SCGB2B2: variants seen among roughly 807,000 people sequenced by gnomAD.
SCGB2B2 encodes the protein secretoglobin family 2B member 2.
In SCGB2B2, 11 loss-of-function variants were observed where a neutral mutation model predicts 7.6. That is an observed-to-expected ratio of 1.45 (90% confidence interval 0.91 to 2.40). SCGB2B2 has a LOEUF of 2.40. Among genes scored for constraint, SCGB2B2 ranks in the 30% most tolerant of loss-of-function variants. SCGB2B2 has a pLI of 0.00. For missense variants in SCGB2B2, 104 were observed against 115.4 expected (o/e 0.90, Z 0.45); for synonymous variants, 50 against 48.6 (o/e 1.03, Z -0.12).
chr19:34,596,531 G>A lies in SCGB2B2; in HGVS notation c.-1968C>T, dbSNP rs1015175571. 2 of 152,670 alleles carry A rather than the reference G, an allele frequency of 1.3e-5. No individual in the cohort carries two copies. Among genetic ancestry groups the A allele is most frequent in the African/African-American group, 2.4e-5 (1 of 41,456 alleles). 9.5% of individuals were successfully genotyped at this position (152,670 alleles called of 1,614,324 possible). The stretch of plus-strand genomic sequence containing the variant: ...GGAGGGTCTGTGATTATATGAATAT[G>A]AGGTTGTGATTGTGGCTGGGAGGGG... On this transcript the variant is annotated 5_prime_UTR_variant, in exon 2 of 4. Coordinates refer to ENST00000601241, the MANE Select transcript of SCGB2B2 (RefSeq NM_001025591.4).
intron 1 of SCGB2B2, among the ~76,000 whole-genome samples, chr19:34,666,190 C>T (rs2067615944): frequency 6.6e-6 from 1 of 152,064 alleles, no homozygotes; most frequent in Admixed American, 6.5e-5. Context: ...GGTCCCCACA[C>T]CAGGCTTTCT....
At chr19:34,616,724 C>T (rs1409040472) in intron 1 of SCGB2B2, among the ~76,000 whole-genome samples, 1 of 148,536 alleles carries the variant, frequency 6.7e-6, no homozygotes, top group East Asian at 2.0e-4. Context: ...CTTTTGTTGC[C>T]ATTGCTTTTG....
At chr19:34,661,695 G>C (rs577860969) in intron 1 of SCGB2B2, among the ~76,000 whole-genome samples, 5 of 152,312 alleles carry the variant, frequency 3.3e-5, no homozygotes, top group Admixed American at 2.0e-4. Flanking sequence ...GAGAATAATG[G>C]AATAAGGGCC....
intron 1 of SCGB2B2, among the ~76,000 whole-genome samples, chr19:34,623,799 T>C (rs1430124238): frequency 6.6e-6 from 1 of 152,166 alleles, no homozygotes; most frequent in Non-Finnish European, 1.5e-5. Context: ...AAGCATAAAA[T>C]CCTCTTTTGT....
chr19:34,674,235 A>C (rs1208263601), intron 1 of SCGB2B2, among the ~76,000 whole-genome samples: 2 of 152,194 alleles, frequency 1.3e-5, no homozygotes, highest in Non-Finnish European at 2.9e-5. Flanking sequence ...TTTATGTCTT[A>C]AGTGTGGTTT....
chr19:34,668,864 C>G (rs1170593590), intron 1 of SCGB2B2, among the ~76,000 whole-genome samples: 3 of 152,112 alleles, frequency 2.0e-5, no homozygotes, highest in Admixed American at 6.5e-5. Flanking sequence ...ACAGACGGCT[C>G]GGCTCTCTGT....
intron 1 of SCGB2B2, among the ~76,000 whole-genome samples, chr19:34,665,464 C>T (rs1449722780): frequency 6.6e-6 from 1 of 152,164 alleles, no homozygotes; most frequent in African/African-American, 2.4e-5. Context: ...CACCATCCCC[C>T]ATGTCCCCAA....
In SCGB2B2 at chr19:34,594,507, C is replaced by A; in HGVS notation, c.57G>T (p.Gln19His). 1 of 1,613,918 alleles carries A rather than the reference C, an allele frequency of 6.2e-7. No homozygotes were observed. The highest frequency in any genetic ancestry group is 1.3e-5 in the African/African-American group (1 of 75,038). Residue 19 changes from glutamine to histidine, a missense_variant, in exon 2 of 4, where the codon CAG (glutamine) becomes CAT (histidine). Physicochemically the swap from Gln to His is conservative, Grantham distance 24. Coordinates refer to ENST00000601241, the MANE Select transcript of SCGB2B2 (RefSeq NM_001025591.4). ...CCCTGCTCGCCTCTTTCTTACCCAG[C>A]TGGACGCTGCAGATCAGAGCCAGCA... Reference protein sequence around the residue: ...ALLLALICSVQLGDACLDIDK... With the variant: ...ALLLALICSVHLGDACLDIDK...
intron 1 of SCGB2B2, among the ~76,000 whole-genome samples, chr19:34,653,921 T>C (rs1233683654): frequency 2.0e-5 from 3 of 150,610 alleles, no homozygotes; most frequent in African/African-American, 7.5e-5. Flanking sequence ...TGAGGATGCC[T>C]ACTCGTACCA....
intron 1 of SCGB2B2, among the ~76,000 whole-genome samples, chr19:34,644,496 T>G (rs1196092556): frequency 6.6e-6 from 1 of 152,116 alleles, no homozygotes; most frequent in East Asian, 1.9e-4. Flanking sequence ...TCCAAAACTT[T>G]TTCATCATTT....
intron 1 of SCGB2B2, among the ~76,000 whole-genome samples, chr19:34,659,718 G>T (rs1304532753): frequency 6.6e-6 from 1 of 152,094 alleles, no homozygotes; most frequent in Non-Finnish European, 1.5e-5. Flanking sequence ...ACTGCCCAAG[G>T]TAATTTATAG....
intron 1 of SCGB2B2, among the ~76,000 whole-genome samples, chr19:34,598,620 A>G (rs565506928): frequency 6.6e-6 from 1 of 152,286 alleles, no homozygotes; most frequent in South Asian, 2.1e-4. Flanking sequence ...GCAAGAGTGC[A>G]GCTGGGTGTG....
chr19:34,614,236 A>C (rs113707596), intron 1 of SCGB2B2, among the ~76,000 whole-genome samples: 39 of 152,030 alleles, frequency 2.6e-4, no homozygotes, highest in Middle Eastern at 3.4e-3. Context: ...GGGACTTCTG[A>C]GTTCCAACAT....
chr19:34,624,717 C>T (rs1182056408), intron 1 of SCGB2B2, among the ~76,000 whole-genome samples: 1 of 152,178 alleles, frequency 6.6e-6, no homozygotes, highest in Non-Finnish European at 1.5e-5. Context: ...TCAGTTGCCC[C>T]AGGACCTTCT....
rs2065283642 is a variant in SCGB2B2 at position 34,590,934 on chromosome 19, A to G, written c.*2621T>C. 6.6e-6 allele frequency among the ~76,000 whole-genome samples: 1 copy of G among 152,206 alleles called. No individual in the cohort carries two copies. The highest frequency in any genetic ancestry group is 6.5e-5 in the Admixed American group (1 of 15,286). ...CATGTTTGTCCAAATTTCTCAGGGC[A>G]TTTCTAATTCTTTTCATTTACTTCT... On this transcript the variant is annotated 3_prime_UTR_variant, in exon 4 of 4. Coordinates refer to ENST00000601241, the MANE Select transcript of SCGB2B2 (RefSeq NM_001025591.4).
rs1037599223 is a variant in SCGB2B2 at position 34,619,338 on chromosome 19, A to G, written c.-2031-22744T>C. On this transcript the variant is annotated intron_variant, in intron 1 of 3. Transcript: ENST00000601241. The stretch of plus-strand genomic sequence containing the variant: ...TTTAATTAAGTCAACTTTTAAGTAT[A>G]GAGATCTTAAGATTCTTTAAAAATC... 2.0e-5 allele frequency among the ~76,000 whole-genome samples: 3 copies of G among 152,232 alleles called. No homozygotes were observed. In the South Asian group the frequency reaches 6.2e-4, roughly 31 times the overall value.
intron 1 of SCGB2B2, among the ~76,000 whole-genome samples, chr19:34,598,403 G>A (rs1442238110): frequency 6.6e-6 from 1 of 152,202 alleles, no homozygotes; most frequent in Non-Finnish European, 1.5e-5. Flanking sequence ...ACAGCCTCAT[G>A]CCCTGGCGTC....
At chr19:34,674,419 A>T (rs891790057) in intron 1 of SCGB2B2, among the ~76,000 whole-genome samples, 24 of 152,246 alleles carry the variant, frequency 1.6e-4, no homozygotes, top group African/African-American at 2.4e-5. Flanking sequence ...AAGAATTTGG[A>T]AATAAACATC....
chr19:34,603,923 T>A (rs1382687688), intron 1 of SCGB2B2, among the ~76,000 whole-genome samples: 1 of 150,786 alleles, frequency 6.6e-6, no homozygotes, highest in Admixed American at 6.7e-5. Flanking sequence ...TGCTCCCACC[T>A]CAATCTACTG....
Sources: allele counts gnomAD v4.1 joint callset (sites outside exome capture counted in the v4.1 genomes callset), GRCh38; gene constraint gnomAD v4.1.1; transcripts MANE v1.5; gene names NCBI Gene and HGNC (gene_info 2026-07-23, HGNC 2026-07-21).